MAST4: variants seen among roughly 807,000 people sequenced by gnomAD.
The protein encoded by MAST4 is microtubule associated serine/threonine kinase family member 4.
MAST4 carries 89 observed loss-of-function variants against 162.7 expected under a neutral mutation model. That is an observed-to-expected ratio of 0.55 (90% confidence interval 0.46 to 0.65). The LOEUF (loss-of-function observed/expected upper bound fraction) is 0.65. Among genes scored for constraint, MAST4 ranks in the 30% least tolerant of loss-of-function variants. The pLI is 0.00. For missense variants in MAST4, 3,153 were observed against 3,374.0 expected, an observed-to-expected ratio of 0.93 and a Z score of 1.62; for synonymous variants, 1,479 against 1,361.1, an observed-to-expected ratio of 1.09 and a Z score of -1.91.
intron 4 of MAST4, among the ~76,000 whole-genome samples, chr5:66,981,086 A>C (rs887840066): frequency 6.6e-6 from 1 of 152,220 alleles, no homozygotes; most frequent in African/African-American, 2.4e-5. Context: ...GTTTGGGCAT[A>C]GAAATTTTAA....
intron 1 of MAST4, among the ~76,000 whole-genome samples, chr5:66,675,645 C>T (rs554738569): frequency 9.9e-5 from 15 of 152,170 alleles, no homozygotes; most frequent in East Asian, 3.9e-4. Context: ...AAGAACATCA[C>T]GGGGAGGCTC....
intron 4 of MAST4, among the ~76,000 whole-genome samples, chr5:67,006,575 T>G (rs186917355): frequency 6.6e-6 from 1 of 152,346 alleles, no homozygotes; most frequent in East Asian, 1.9e-4. Context: ...CGGTACAGCC[T>G]CTACTCTTAC....
chr5:66,839,135 A>G (rs943727523), intron 3 of MAST4, among the ~76,000 whole-genome samples: 11 of 152,124 alleles, frequency 7.2e-5, no homozygotes, highest in African/African-American at 2.2e-4. Flanking sequence ...TGGTTGGCAA[A>G]AGAGAGATGG....
intron 4 of MAST4, among the ~76,000 whole-genome samples, chr5:66,935,456 A>G (rs1316910059): frequency 2.0e-5 from 3 of 151,898 alleles, no homozygotes; most frequent in African/African-American, 7.3e-5. Flanking sequence ...CCCTTTTCCA[A>G]CCTGGTTATC....
At chr5:66,909,698 C>T (rs1763616129) in intron 4 of MAST4, among the ~76,000 whole-genome samples, 1 of 152,164 alleles carries the variant, frequency 6.6e-6, no homozygotes, top group Non-Finnish European at 1.5e-5. Context: ...TAGATATCAA[C>T]AAGGGAGTGG....
intron 4 of MAST4, among the ~76,000 whole-genome samples, chr5:66,915,357 C>A (rs1764044098): frequency 6.7e-6 from 1 of 149,836 alleles, no homozygotes; most frequent in African/African-American, 2.5e-5. Context: ...AATATTTGTT[C>A]TCTTGTATAG....
chr5:67,068,426 G>A (rs1012446916), intron 5 of MAST4, among the ~76,000 whole-genome samples: 4 of 152,116 alleles, frequency 2.6e-5, no homozygotes, highest in Non-Finnish European at 2.9e-5. Flanking sequence ...GCAAGCAGGG[G>A]AAATGCCAGA....
chr5:66,737,863 G>A (rs891204484), intron 1 of MAST4, among the ~76,000 whole-genome samples: 1 of 152,122 alleles, frequency 6.6e-6, no homozygotes, highest in African/African-American at 2.4e-5. Flanking sequence ...GGCTGATGAG[G>A]AAAGAAAAAA....
Position 66,999,501 on chromosome 5 carries a change from G to A in MAST4, c.675-54903G>A, listed in dbSNP as rs144581711. ...TATAGGTTATCTGCTAATCTTTTCCGTGTCTCTGATTCTCCTGGGATCCAG... is the reference window on the plus strand; with the variant it reads ...TATAGGTTATCTGCTAATCTTTTCCATGTCTCTGATTCTCCTGGGATCCAG... On this transcript the variant is annotated intron_variant, in intron 4 of 28. Transcript: ENST00000403625. 1.2e-3 allele frequency among the ~76,000 whole-genome samples: 175 copies of A among 152,146 alleles called. 1 individual carries two copies. Among genetic ancestry groups the A allele is most frequent in the Non-Finnish European group, 2.2e-3 (151 of 68,010 alleles).
chr5:66,898,015 G>C (rs942430310), intron 3 of MAST4, among the ~76,000 whole-genome samples: 1 of 152,130 alleles, frequency 6.6e-6, no homozygotes, highest in Non-Finnish European at 1.5e-5. Flanking sequence ...AATAACATCT[G>C]ATTTATTATT....
At chr5:67,012,334 C>T (rs920048791) in intron 4 of MAST4, among the ~76,000 whole-genome samples, 18 of 152,080 alleles carry the variant, frequency 1.2e-4, no homozygotes, top group African/African-American at 3.1e-4. Flanking sequence ...GTCCTTCTTC[C>T]GTTGGTTGAA....
rs1257410509 is a variant in MAST4 at position 67,165,319 on chromosome 5, G to A, written c.6140G>A (p.Gly2047Asp). ...GGTGGGAAAACGAACCACAAAGATG[G>A]CCCAGGTGAGGCGAGGCCCCCGCCC... ...APGGKTNHKD[G>D]PGEARPPPRD... The change falls in exon 29 of 29, where the codon GGC (glycine) becomes GAC (aspartate). Residue 2047 changes from glycine to aspartate, a missense_variant. Gly to Asp is a moderately conservative substitution (Grantham distance 94). Around this residue, in one of 7 missense-constraint regions of MAST4, gnomAD observed 1,644 missense variants for 1,495.0 expected, o/e 1.10. Coordinates refer to ENST00000403625, the MANE Select transcript of MAST4 (RefSeq NM_001164664.2). 3.1e-6 allele frequency: 5 copies of A among 1,613,474 alleles called. No homozygotes were observed. The African/African-American group carries it at 6.7e-5, about 22-fold the overall frequency.
At chr5:66,914,791 C>T (rs116137991) in intron 4 of MAST4, among the ~76,000 whole-genome samples, 3,103 of 152,220 alleles carry the variant, frequency 0.02, 114 homozygotes, top group African/African-American at 0.072. Flanking sequence ...TATCTAGAGA[C>T]CTTTTTGGTT....
chr5:66,825,392 T>C (rs1331585711), intron 3 of MAST4, among the ~76,000 whole-genome samples: 1 of 151,974 alleles, frequency 6.6e-6, no homozygotes, highest in Non-Finnish European at 1.5e-5. Context: ...TACGATCTTA[T>C]GGGACCACCA....
intron 11 of MAST4, among the ~76,000 whole-genome samples, chr5:67,113,061 C>A (rs1270459442): frequency 6.6e-6 from 1 of 152,122 alleles, no homozygotes; most frequent in Non-Finnish European, 1.5e-5. Context: ...CGCCTGTAAT[C>A]CCAGCACTTT....
intron 14 of MAST4, among the ~76,000 whole-genome samples, chr5:67,129,683 C>T (rs529788105): frequency 1.3e-5 from 2 of 149,988 alleles, no homozygotes; most frequent in South Asian, 4.2e-4. Flanking sequence ...GAGATCATGC[C>T]ACTGCACTCT....
At chr5:67,084,536 G>T (rs1453099006) in intron 5 of MAST4, among the ~76,000 whole-genome samples, 1 of 152,164 alleles carries the variant, frequency 6.6e-6, no homozygotes, top group African/African-American at 2.4e-5. Context: ...TTTTCAGTTT[G>T]CTGTATAACA....
At chr5:66,871,959 G>A (rs973086944) in intron 3 of MAST4, among the ~76,000 whole-genome samples, 10 of 152,144 alleles carry the variant, frequency 6.6e-5, no homozygotes, top group African/African-American at 2.4e-4. Flanking sequence ...ACGAAAGCCT[G>A]TTTTTAAACA....
intron 4 of MAST4, among the ~76,000 whole-genome samples, chr5:66,947,611 A>G (rs1424920482): frequency 1.3e-5 from 2 of 152,282 alleles, no homozygotes; most frequent in East Asian, 3.9e-4. Context: ...TTGTTATTAT[A>G]GTGAAATATC....
Sources: allele counts gnomAD v4.1 joint callset (sites outside exome capture counted in the v4.1 genomes callset), GRCh38; gene constraint gnomAD v4.1.1; regional missense constraint gnomAD v4.1.1; transcripts MANE v1.5; gene names NCBI Gene and HGNC (gene_info 2026-07-23, HGNC 2026-07-21).